PCBD2: variants seen among roughly 807,000 people sequenced by gnomAD.
PCBD2 encodes pterin-4 alpha-carbinolamine dehydratase 2, also known as pterin-4-alpha-carbinolamine dehydratase 2.
PCBD2 carries 12 observed loss-of-function variants against 16.4 expected under a neutral mutation model. The observed-to-expected ratio is 0.73, with a 90% CI of 0.47 to 1.19. PCBD2 has a LOEUF of 1.19. PCBD2 is among the 50% of genes most tolerant of loss of function. The pLI is 0.00. For synonymous variants in PCBD2, 58 were observed against 61.8 expected (o/e 0.94, Z 0.29); for missense variants, 138 against 156.8 (o/e 0.88, Z 0.64).
intron 2 of PCBD2, among the ~76,000 whole-genome samples, chr5:134,938,057 C>G (rs1751181589): frequency 6.6e-6 from 1 of 152,140 alleles, no homozygotes; most frequent in Non-Finnish European, 1.5e-5. Flanking sequence ...ACAAAATTAT[C>G]CAGTTGGGAG....
intron 2 of PCBD2, among the ~76,000 whole-genome samples, chr5:134,914,837 A>G (rs748124788): frequency 3.3e-5 from 5 of 152,000 alleles, no homozygotes; most frequent in African/African-American, 4.8e-5. Context: ...ATGCCCAGCT[A>G]ATTTTTTGTA....
intron 2 of PCBD2, among the ~76,000 whole-genome samples, chr5:134,921,210 C>T (rs975534670): frequency 1.3e-5 from 2 of 152,210 alleles, no homozygotes; most frequent in Non-Finnish European, 2.9e-5. Flanking sequence ...GACCTGGTTT[C>T]GTTTCTGCCC....
Position 134,960,452 on chromosome 5 carries a change from G to T in PCBD2, c.298-134G>T, listed in dbSNP as rs1238924290. 1.7e-5 allele frequency: 11 copies of T among 654,902 alleles called. No individual in the cohort carries two copies. The Admixed American group carries it at 3.5e-4, about 21-fold the overall frequency. The allele number at this position is 654,902 out of a possible 1,614,324, so 40.6% of individuals were successfully genotyped here. A position where few individuals can be genotyped will look rare whatever the true frequency, so the allele number is the denominator to read the frequency against. ...AAATGTTTTGCTTATTCATAATGTA[G>T]TATTTTCTAAATCATTTAATCCCCC... On this transcript the variant is annotated intron_variant, in intron 3 of 3. Coordinates refer to ENST00000254908, the MANE Select transcript of PCBD2 (RefSeq NM_032151.5).
intron 2 of PCBD2, among the ~76,000 whole-genome samples, chr5:134,921,609 C>T (rs1168530710): frequency 2.6e-5 from 4 of 152,134 alleles, no homozygotes; most frequent in African/African-American, 9.7e-5. Flanking sequence ...TTTAGGGTGT[C>T]TGAAAGCAAA....
At chr5:134,921,371 G>A (rs1750901472) in intron 2 of PCBD2, among the ~76,000 whole-genome samples, 1 of 152,156 alleles carries the variant, frequency 6.6e-6, no homozygotes, top group Non-Finnish European at 1.5e-5. Context: ...GCTGCTGCCT[G>A]GAGAAGGGGA....
At chr5:134,956,594 A>G (rs1319345288) in intron 2 of PCBD2, among the ~76,000 whole-genome samples, 1 of 152,180 alleles carries the variant, frequency 6.6e-6, no homozygotes, top group Non-Finnish European at 1.5e-5. Flanking sequence ...TGCACTCATA[A>G]TTTCTTGCCA....
intron 2 of PCBD2, among the ~76,000 whole-genome samples, chr5:134,929,532 G>A (rs954590971): frequency 1.3e-5 from 2 of 152,080 alleles, no homozygotes; most frequent in African/African-American, 4.8e-5. Context: ...AGTTGGTTTC[G>A]GTGGGTGGGG....
chr5:134,936,773 A>G (rs888268747), intron 2 of PCBD2, among the ~76,000 whole-genome samples: 3 of 152,212 alleles, frequency 2.0e-5, no homozygotes, highest in Admixed American at 1.3e-4. Context: ...CAGGAGCTGC[A>G]TCTGTCCAGT....
At chr5:134,924,099 G>C in intron 2 of PCBD2, 1 of 397,684 alleles carries the variant, frequency 2.5e-6, no homozygotes, top group African/African-American at 2.1e-5. Context: ...ATCATTGGTC[G>C]TGGTTGTAGC....
At chr5:134,926,511 G>A (rs75404659) in intron 2 of PCBD2, 2 of 394,960 alleles carry the variant, frequency 5.1e-6, no homozygotes, top group Admixed American at 8.9e-5. Context: ...ACCAACGGAT[G>A]GCTGTTATCC....
At chr5:134,945,655 T>C (rs879872945) in intron 2 of PCBD2, among the ~76,000 whole-genome samples, 2 of 152,208 alleles carry the variant, frequency 1.3e-5, no homozygotes, top group Admixed American at 6.5e-5. Flanking sequence ...TCATTTATAT[T>C]CAAGATTCAG....
intron 2 of PCBD2, among the ~76,000 whole-genome samples, chr5:134,943,044 A>G (rs561549957): frequency 6.6e-6 from 1 of 152,350 alleles, no homozygotes; most frequent in South Asian, 2.1e-4. Context: ...CAAGCATCCT[A>G]TGTCTCCTTG....
rs1347962470 is a variant in PCBD2, at chr5:134,961,199, GAACC to G, written c.*519_*522del. Reference sequence around the variant, plus strand: ...CTTAAATACGCAATGATTTAAACTGGAACCTGAGGTATTTTTCATGCTATCTAAT... The same window carrying G: ...CTTAAATACGCAATGATTTAAACTGGTGAGGTATTTTTCATGCTATCTAAT... On this transcript the variant is annotated 3_prime_UTR_variant, in exon 4 of 4. Transcript: ENST00000254908. 6.6e-6 allele frequency: 1 copy of G among 152,242 alleles called. No individual in the cohort carries two copies. Among genetic ancestry groups the G allele is most frequent in the Non-Finnish European group, 1.5e-5 (1 of 68,152 alleles). 9.4% of individuals were successfully genotyped at this position (152,242 alleles called of 1,614,324 possible). A position where few individuals can be genotyped will look rare whatever the true frequency, so the allele number is the denominator to read the frequency against.
chr5:134,949,123 A>G (rs935075112), intron 2 of PCBD2, among the ~76,000 whole-genome samples: 2 of 152,092 alleles, frequency 1.3e-5, no homozygotes, highest in Non-Finnish European at 2.9e-5. Flanking sequence ...CTTTAGCCCC[A>G]CTTCCTCAGG....
chr5:134,929,255 G>C (rs1008891286), intron 2 of PCBD2, among the ~76,000 whole-genome samples: 1 of 151,914 alleles, frequency 6.6e-6, no homozygotes, highest in Non-Finnish European at 1.5e-5. Context: ...GCCAAGGCGG[G>C]AGAATTGCTT....
intron 2 of PCBD2, among the ~76,000 whole-genome samples, chr5:134,944,574 C>T (rs1751269261): frequency 6.6e-6 from 1 of 151,796 alleles, no homozygotes; most frequent in Non-Finnish European, 1.5e-5. Flanking sequence ...AACCAAAAGA[C>T]TGTGGTTTAT....
chr5:134,949,728 G>A (rs1257238078), intron 2 of PCBD2, among the ~76,000 whole-genome samples: 2 of 152,204 alleles, frequency 1.3e-5, no homozygotes, highest in African/African-American at 4.8e-5. Flanking sequence ...GTCTTGGTGA[G>A]ACATGTAATC....
chr5:134,914,222 G>T (rs1750801035), intron 2 of PCBD2, among the ~76,000 whole-genome samples: 1 of 152,114 alleles, frequency 6.6e-6, no homozygotes, highest in Non-Finnish European at 1.5e-5. Flanking sequence ...GAAAAAGAGG[G>T]CCATTCTCTC....
intron 2 of PCBD2, among the ~76,000 whole-genome samples, chr5:134,931,340 A>G (rs1751093526): frequency 6.6e-6 from 1 of 152,118 alleles, no homozygotes; most frequent in East Asian, 1.9e-4. Context: ...TACACAGGTA[A>G]CTCTTAATAT....
Sources: gnomAD v4.1 joint callset for allele counts (sites outside exome capture counted in the v4.1 genomes callset) on GRCh38, gnomAD v4.1.1 for gene constraint, MANE v1.5 for transcripts, NCBI Gene and HGNC (gene_info 2026-07-23, HGNC 2026-07-21) for gene names.